GABRG3: variants seen among roughly 807,000 people sequenced by gnomAD.
GABRG3 encodes gamma-aminobutyric acid receptor subunit gamma-3.
GABRG3 carries 25 observed loss-of-function variants against 48.8 expected under a neutral mutation model. The ratio of observed to expected loss-of-function variants is 0.51; its 90% CI spans 0.37 to 0.72. GABRG3 has a LOEUF of 0.72. Ranked by LOEUF, GABRG3 falls within the 30% of genes least tolerant of loss-of-function variation. GABRG3 has a pLI of 0.00. For synonymous variants in GABRG3, 227 were observed against 217.6 expected, an observed-to-expected ratio of 1.04 and a Z score of -0.38; for missense variants, 394 against 577.9, an observed-to-expected ratio of 0.68 and a Z score of 3.26.
intron 5 of GABRG3, among the ~76,000 whole-genome samples, chr15:27,459,426 A>G (rs1343582989): frequency 6.6e-6 from 1 of 152,242 alleles, no homozygotes; most frequent in Non-Finnish European, 1.5e-5. Flanking sequence ...CGTAAAGGCA[A>G]AATGAAACTG....
At chr15:27,117,234 A>G (rs1897656656) in intron 3 of GABRG3, among the ~76,000 whole-genome samples, 1 of 152,228 alleles carries the variant, frequency 6.6e-6, no homozygotes, top group Admixed American at 6.5e-5. Context: ...ATTTCATTGA[A>G]GTATTTTCTT....
intron 5 of GABRG3, chr15:27,422,396 G>A (rs1046850254): frequency 1.3e-5 from 2 of 152,236 alleles, no homozygotes; most frequent in Non-Finnish European, 2.9e-5. Context: ...GCATCCATGC[G>A]AGTGGACTGC....
intron 5 of GABRG3, among the ~76,000 whole-genome samples, chr15:27,349,846 G>A (rs183673682): frequency 6.6e-6 from 1 of 151,892 alleles, no homozygotes; most frequent in Non-Finnish European, 1.5e-5. Flanking sequence ...CTCTCTCCCC[G>A]GGACATGTCC....
intron 3 of GABRG3, among the ~76,000 whole-genome samples, chr15:27,323,517 C>A (rs767911575): frequency 1.3e-5 from 2 of 152,164 alleles, no homozygotes; most frequent in Non-Finnish European, 2.9e-5. Flanking sequence ...TTCTCACATA[C>A]TGAATTTTAG....
chr15:27,247,987 AAGT>A (rs1164663617), intron 3 of GABRG3, among the ~76,000 whole-genome samples: 1 of 152,202 alleles, frequency 6.6e-6, no homozygotes, highest in African/African-American at 2.4e-5. Flanking sequence ...GACTACACAT[AAGT>A]AGATGTCCAA....
rs780306321 is a variant in GABRG3 at position 27,018,097 on chromosome 15, G to A, written c.203-8657G>A. Among the ~76,000 whole-genome samples the A allele has an allele frequency of 4.6e-5, 7 of 152,256 alleles. No individual in the cohort carries two copies. In the East Asian group the frequency reaches 9.6e-4, roughly 21 times the overall value. ...AAAAACTTATCTTTCCTGTTATAAC[G>A]AACAGAATTCATGTTTGGAAAGAGA... On this transcript the variant is annotated intron_variant, in intron 2 of 9. Coordinates refer to ENST00000615808, the MANE Select transcript of GABRG3 (RefSeq NM_033223.5).
chr15:27,355,094 C>CA (rs1894792284), intron 5 of GABRG3, among the ~76,000 whole-genome samples: 1 of 152,140 alleles, frequency 6.6e-6, no homozygotes, highest in Non-Finnish European at 1.5e-5. Context: ...CAGCTAAAGG[C>CA]CTGTCTCAGC....
chr15:27,029,500 C>T (rs1029506480), intron 3 of GABRG3, among the ~76,000 whole-genome samples: 8 of 151,932 alleles, frequency 5.3e-5, no homozygotes, highest in Non-Finnish European at 1.2e-4. Flanking sequence ...CAGGCACACA[C>T]GTACGTGTGC....
intron 5 of GABRG3, among the ~76,000 whole-genome samples, chr15:27,336,975 G>A (rs920553033): frequency 9.7e-4 from 147 of 152,330 alleles, no homozygotes; most frequent in Non-Finnish European, 1.3e-3. Context: ...GAGAGCTAAG[G>A]TGGAGTTGTT....
intron 2 of GABRG3, among the ~76,000 whole-genome samples, chr15:26,986,082 A>G (rs1034272883): frequency 2.0e-5 from 3 of 152,076 alleles, no homozygotes; most frequent in African/African-American, 7.2e-5. Context: ...TTCTCCATGC[A>G]CATCTGGTAA....
intron 5 of GABRG3, among the ~76,000 whole-genome samples, chr15:27,412,545 A>G (rs1316054982): frequency 6.6e-6 from 1 of 152,206 alleles, no homozygotes; most frequent in East Asian, 1.9e-4. Context: ...ATATTGTGTC[A>G]TCCATTCGCA....
Position 27,251,003 on chromosome 15 carries a change from A to G in GABRG3, c.271-75806A>G, listed in dbSNP as rs546512908. ...ACTGCTCGCCATCACAGTGCAGTCCACACTTGCAGGTCGCAGAGAACACAC... is the reference window on the plus strand; with the variant it reads ...ACTGCTCGCCATCACAGTGCAGTCCGCACTTGCAGGTCGCAGAGAACACAC... On this transcript the variant is annotated intron_variant, in intron 3 of 9. Transcript: ENST00000615808. 2.0e-5 allele frequency among the ~76,000 whole-genome samples: 3 copies of G among 152,244 alleles called. No homozygotes were observed. The South Asian group carries it at 6.2e-4, about 32-fold the overall frequency.
intron 2 of GABRG3, among the ~76,000 whole-genome samples, chr15:26,999,942 T>C (rs1282689535): frequency 1.3e-5 from 2 of 152,226 alleles, no homozygotes; most frequent in Non-Finnish European, 2.9e-5. Context: ...AGTTTTTATC[T>C]CTAGAAGTTT....
rs1890478609 is a variant in GABRG3, at chr15:27,252,192, G to A, written c.271-74617G>A. ...TAAGGATGATGCCTGAGAGACGGGG[G>A]GTGGCCGTGGGCTGGCCTGGCCTCC... On this transcript the variant is annotated intron_variant, in intron 3 of 9. Transcript: ENST00000615808. Among the ~76,000 whole-genome samples the A allele has an allele frequency of 1.3e-5, 2 of 152,134 alleles. 1 individual carries two copies. Among genetic ancestry groups the A allele is most frequent in the Admixed American group, 1.3e-4 (2 of 15,284 alleles).
chr15:27,174,584 GTCTC>G (rs150022606), intron 3 of GABRG3, among the ~76,000 whole-genome samples: 4,417 of 139,584 alleles, frequency 0.032, 110 homozygotes, highest in East Asian at 0.12. Flanking sequence ...TCTCTCTCTC[GTCTC>G]TCTCTCTCTC....
chr15:26,993,028 C>T (rs559015258), intron 2 of GABRG3, among the ~76,000 whole-genome samples: 11 of 152,004 alleles, frequency 7.2e-5, no homozygotes, highest in Non-Finnish European at 1.6e-4. Context: ...CACTAATGAT[C>T]CTTTAAATTT....
intron 5 of GABRG3, among the ~76,000 whole-genome samples, chr15:27,418,060 G>A (rs1887995341): frequency 6.6e-6 from 1 of 152,212 alleles, no homozygotes; most frequent in South Asian, 2.1e-4. Flanking sequence ...GGCCCGCACT[G>A]AAGATCAGCA....
intron 5 of GABRG3, among the ~76,000 whole-genome samples, chr15:27,362,016 C>T (rs148816622): frequency 6.6e-6 from 1 of 152,302 alleles, no homozygotes; most frequent in African/African-American, 2.4e-5. Flanking sequence ...CTTGCCCACA[C>T]ACGCTCATGA....
intron 3 of GABRG3, among the ~76,000 whole-genome samples, chr15:27,145,606 T>TATCTATCTATCTATCTATCATCC (rs1555405988): frequency 8.5e-6 from 1 of 118,268 alleles, no homozygotes; most frequent in Non-Finnish European, 1.8e-5. Context: ...TATCTATCTC[T>TATCTATCTATCTATCTATCATCC]ATCTATCTAT....
Sources: allele counts gnomAD v4.1 joint callset (sites outside exome capture counted in the v4.1 genomes callset), GRCh38; gene constraint gnomAD v4.1.1; transcripts MANE v1.5; gene names NCBI Gene and HGNC (gene_info 2026-07-23, HGNC 2026-07-21).